The following LAMA5 variants were observed in gnomAD, a reference collection of about 807,000 sequenced individuals.
The protein encoded by LAMA5 is laminin subunit alpha 5.
A neutral mutation model predicts 433.4 loss-of-function variants in LAMA5; 260 were observed. That is an observed-to-expected ratio of 0.60 (90% CI 0.54 to 0.66). The LOEUF is 0.66. Among genes scored for constraint, LAMA5 ranks in the 30% least tolerant of loss-of-function variants. LAMA5 has a pLI of 0.00. For synonymous variants in LAMA5, 2,620 were observed against 2,226.6 expected, an observed-to-expected ratio of 1.18 and a Z score of -4.97; for missense variants, 5,378 against 5,258.5, an observed-to-expected ratio of 1.02 and a Z score of -0.70.
intron 6 of LAMA5, among the ~76,000 whole-genome samples, chr20:62,348,283 G>A (rs528918890): frequency 6.6e-6 from 1 of 152,180 alleles, no homozygotes; most frequent in South Asian, 2.1e-4. Flanking sequence ...AGAAGCCAGG[G>A]AAGAATGTTA....
intron 2 of LAMA5, among the ~76,000 whole-genome samples, chr20:62,360,767 C>T (rs762415625): frequency 5.3e-5 from 8 of 151,724 alleles, no homozygotes; most frequent in East Asian, 1.9e-4. Flanking sequence ...AGAGGCAAGA[C>T]GCTCACATGG....
At chr20:62,316,838 T>C (rs770713433) in intron 56 of LAMA5, 44 bp downstream of exon 56, 2 of 1,542,396 alleles carry the variant, frequency 1.3e-6, no homozygotes, top group South Asian at 1.2e-5. Context: ...GTGCAGGCAG[T>C]GGGGGCGCTC....
chr20:62,367,215 G>T lies in LAMA5; in HGVS notation c.31C>A (p.Leu11Met). The T allele has an allele frequency of 8.3e-7, 1 of 1,210,876 alleles. No individual in the cohort carries two copies. The highest frequency in any genetic ancestry group is 1.0e-6 in the Non-Finnish European group (1 of 975,278). The allele number at this position is 1,210,876 out of a possible 1,614,324, so 75.0% of individuals were successfully genotyped here. ...GGGCCCCGGGGGCCGCGAACACACA[G>T]TGCGCTCCCCGCGCAGAGCCGCTTC... MAKRLCAGSA[L>M]CVRGPRGPAP... Residue 11 changes from leucine to methionine, a missense_variant, in exon 1 of 80, where the codon CTG (leucine) becomes ATG (methionine). Coordinates refer to ENST00000252999, the MANE Select transcript of LAMA5 (RefSeq NM_005560.6).
chr20:62,326,775 G>A lies in LAMA5; in HGVS notation c.5215-15C>T, dbSNP rs757451670. ...ATCTGGTTGCCCTGGGAAGGCACAT[G>A]GGGAGGTGAGGGTTGGCACGGGCCT... On this transcript the variant is annotated splice_polypyrimidine_tract_variant and intron_variant, in intron 39 of 79. Coordinates refer to ENST00000252999, the MANE Select transcript of LAMA5 (RefSeq NM_005560.6). The A allele has an allele frequency of 2.5e-6, 4 of 1,612,050 alleles. No homozygotes were observed. The Admixed American group carries it at 6.7e-5, about 27-fold the overall frequency.
In LAMA5 at chr20:62,317,654, G is replaced by A; in HGVS notation, c.7356+8C>T. The A allele has an allele frequency of 1.3e-6, 2 of 1,561,028 alleles. No homozygotes were observed. The highest frequency in any genetic ancestry group is 2.3e-5 in the East Asian group (1 of 43,516). On this transcript the variant is annotated splice_region_variant and intron_variant, in intron 54 of 79. Coordinates refer to ENST00000252999, the MANE Select transcript of LAMA5 (RefSeq NM_005560.6). The stretch of plus-strand genomic sequence containing the variant: ...GGGGTGGCGACAGGGGCCAGGGGCT[G>A]CACTCACCTCCTTAGCCTGGTCCAG...
intron 22 of LAMA5, 65 bp downstream of exon 22, chr20:62,334,121 C>A: frequency 6.3e-7 from 1 of 1,587,794 alleles, no homozygotes; most frequent in South Asian, 1.1e-5. Flanking sequence ...CTGCCCACCC[C>A]TCCCTGCCAG....
intron 8 of LAMA5, 29 bp from the exon 9 acceptor site, chr20:62,346,625 G>A (rs749908684): frequency 1.9e-5 from 30 of 1,610,442 alleles, no homozygotes; most frequent in Non-Finnish European, 2.0e-5. Flanking sequence ...TTGAGTCTGG[G>A]GAGGTCCCTG....
intron 2 of LAMA5, among the ~76,000 whole-genome samples, chr20:62,361,771 C>G (rs1164803643): frequency 1.3e-5 from 2 of 152,214 alleles, no homozygotes; most frequent in Non-Finnish European, 2.9e-5. Context: ...CGGGCCAAGT[C>G]GCCCCCAATC....
chr20:62,365,921 G>GCCCAGC (rs1232882118), intron 1 of LAMA5, among the ~76,000 whole-genome samples: 1 of 152,038 alleles, frequency 6.6e-6, no homozygotes, highest in Non-Finnish European at 1.5e-5. Context: ...GAGGGGGCGG[G>GCCCAGC]CCCAGCCCAG....
intron 66 of LAMA5, 40 bp downstream of exon 66, chr20:62,312,848 T>C (rs1986466561): frequency 6.2e-7 from 1 of 1,601,750 alleles, no homozygotes; most frequent in Non-Finnish European, 8.5e-7. Flanking sequence ...CATCGTTCCA[T>C]CTCCTCTCCC....
At chr20:62,331,686 G>C (rs560681638) in intron 28 of LAMA5, among the ~76,000 whole-genome samples, 3 of 152,196 alleles carry the variant, frequency 2.0e-5, no homozygotes, top group Non-Finnish European at 2.9e-5. Flanking sequence ...TTGGTGTCTC[G>C]GAACACGGCA....
At chr20:62,358,450 C>G (rs1985568981) in intron 2 of LAMA5, among the ~76,000 whole-genome samples, 1 of 152,226 alleles carries the variant, frequency 6.6e-6, no homozygotes, top group African/African-American at 2.4e-5. Context: ...CCTGGACAAC[C>G]CACTGACCGT....
chr20:62,341,826 C>CAAAAAAAAA (rs11466846), intron 11 of LAMA5, among the ~76,000 whole-genome samples: 10 of 128,140 alleles, frequency 7.8e-5, no homozygotes, highest in African/African-American at 3.4e-4. Context: ...TCTGATCAAC[C>CAAAAAAAAA]AAAAAAAAAA....
At chr20:62,332,349 G>C (rs1234171511) in intron 28 of LAMA5, 23 bp downstream of exon 28, 1 of 1,515,294 alleles carries the variant, frequency 6.6e-7, no homozygotes, top group Non-Finnish European at 9.2e-7. Context: ...ACCCCTTGGG[G>C]TGGGGACCTG....
rs539666030 is a variant in LAMA5, at chr20:62,338,860, A to C, written c.1478-252T>G. ...GAGACCAGCCTGACCAACATAGTGAAGCCCTGTCTGTACTAAAAATACAAA... is the reference window on the plus strand; with the variant it reads ...GAGACCAGCCTGACCAACATAGTGACGCCCTGTCTGTACTAAAAATACAAA... On this transcript the variant is annotated intron_variant, in intron 11 of 79. Coordinates refer to ENST00000252999, the MANE Select transcript of LAMA5 (RefSeq NM_005560.6). Among the ~76,000 whole-genome samples, 11 of 152,262 alleles carry C rather than the reference A, an allele frequency of 7.2e-5. No homozygotes were observed. In the East Asian group the frequency reaches 1.5e-3, roughly 21 times the overall value.
intron 58 of LAMA5, 28 bp downstream of exon 58, chr20:62,315,920 G>T: frequency 1.3e-6 from 2 of 1,515,524 alleles, no homozygotes; most frequent in Non-Finnish European, 1.8e-6. Flanking sequence ...TCGGCCGGCT[G>T]CGAGAGCCGG....
intron 11 of LAMA5, among the ~76,000 whole-genome samples, chr20:62,340,405 G>A (rs1190368725): frequency 7.5e-6 from 1 of 134,128 alleles, no homozygotes; most frequent in Non-Finnish European, 1.5e-5. Context: ...CCTACCTCCC[G>A]GGTTCGAGCC....
chr20:62,319,192 C>T (rs575814286), intron 51 of LAMA5, 179 bp from the exon 52 acceptor site: 391 of 609,086 alleles, frequency 6.4e-4, no homozygotes, highest in African/African-American at 5.8e-3. Context: ...CTCACCTGCC[C>T]GGCCCTCACC....
At chr20:62,346,305 G>A (rs897595416) in intron 9 of LAMA5, 90 bp from the exon 10 acceptor site, 81 of 1,493,620 alleles carry the variant, frequency 5.4e-5, no homozygotes, top group Non-Finnish European at 7.3e-5. Context: ...TCCCCAGCCA[G>A]GGCCATGGGG....
Sources: gnomAD v4.1 joint callset for allele counts (sites outside exome capture counted in the v4.1 genomes callset) on GRCh38, gnomAD v4.1.1 for gene constraint, MANE v1.5 for transcripts, NCBI Gene and HGNC (gene_info 2026-07-23, HGNC 2026-07-21) for gene names.